ELAPOR1: variants seen among roughly 807,000 people sequenced by gnomAD.
ELAPOR1 encodes endosome/lysosome-associated apoptosis and autophagy regulator 1.
A neutral mutation model predicts 119.7 loss-of-function variants in ELAPOR1; 77 were observed. The observed-to-expected ratio is 0.64, with a 90% confidence interval of 0.54 to 0.78. The LOEUF (loss-of-function observed/expected upper bound fraction) is 0.78. Among genes scored for constraint, ELAPOR1 ranks in the 30% least tolerant of loss-of-function variants. The probability of loss-of-function intolerance (pLI) is 0.00; values close to 1 mark genes in which losing one functional copy is unlikely to be tolerated. For missense variants in ELAPOR1, 1,115 were observed against 1,270.4 expected (o/e 0.88, Z 1.86); for synonymous variants, 481 against 487.2 (o/e 0.99, Z 0.17).
rs958973511 is a variant in ELAPOR1 at position 109,146,027 on chromosome 1, C to T, written c.154-15867C>T. On this transcript the variant is annotated intron_variant, in intron 1 of 21. Transcript: ENST00000369939. ...TTCAGAATTAATAAATGATAAGAAT[C>T]TCAGGCCAGCACAGTGGCTCACATC... is the stretch of plus-strand genomic sequence containing the variant. Among the ~76,000 whole-genome samples the T allele has an allele frequency of 3.3e-5, 5 of 152,090 alleles. No homozygotes were observed. The East Asian group carries it at 7.7e-4, about 24-fold the overall frequency.
At chr1:109,138,126 T>TTA (rs1164525796) in intron 1 of ELAPOR1, among the ~76,000 whole-genome samples, 3 of 152,024 alleles carry the variant, frequency 2.0e-5, no homozygotes, top group African/African-American at 7.2e-5. Context: ...TGGCCCCAGG[T>TTA]TACAGCTGAA....
chr1:109,136,321 G>A (rs967419933), intron 1 of ELAPOR1, among the ~76,000 whole-genome samples: 2 of 152,196 alleles, frequency 1.3e-5, no homozygotes, highest in African/African-American at 4.8e-5. Context: ...CAGGGAAAAT[G>A]CTGTGTGAGA....
At chr1:109,158,064 G>T (rs34941779) in intron 1 of ELAPOR1, among the ~76,000 whole-genome samples, 62,246 of 151,890 alleles carry the variant, frequency 0.41, 12,905 homozygotes, top group East Asian at 0.56. Context: ...ATTTTTGTAT[G>T]TTTAGTAGAG....
intron 1 of ELAPOR1, among the ~76,000 whole-genome samples, chr1:109,138,292 T>C (rs1201726097): frequency 6.6e-6 from 1 of 152,210 alleles, no homozygotes; most frequent in Non-Finnish European, 1.5e-5. Flanking sequence ...CACTTGGTGA[T>C]GGCTGAGGGT....
At chr1:109,201,492 A>G in intron 21 of ELAPOR1, 1 of 398,242 alleles carries the variant, frequency 2.5e-6, no homozygotes, top group South Asian at 1.8e-5. Context: ...GCATACAAGC[A>G]GGTCCTCCAG....
intron 1 of ELAPOR1, among the ~76,000 whole-genome samples, chr1:109,132,452 G>C (rs1440262380): frequency 2.0e-5 from 3 of 152,080 alleles, no homozygotes; most frequent in Non-Finnish European, 4.4e-5. Context: ...AGCCTGCCAG[G>C]CATTATTTAT....
At chr1:109,202,447 T>G (rs1204108234) in intron 21 of ELAPOR1, among the ~76,000 whole-genome samples, 1 of 147,526 alleles carries the variant, frequency 6.8e-6, no homozygotes, top group African/African-American at 2.5e-5. Context: ...AGAAAAAAAT[T>G]TTTTTTTTTT....
At chr1:109,178,800 A>G (rs1484466458) in intron 7 of ELAPOR1, among the ~76,000 whole-genome samples, 1 of 152,008 alleles carries the variant, frequency 6.6e-6, no homozygotes, top group Non-Finnish European at 1.5e-5. Flanking sequence ...CCCCAACTCT[A>G]CTAGAAATAC....
chr1:109,165,715 T>C (rs1179175741), intron 3 of ELAPOR1, among the ~76,000 whole-genome samples: 1 of 151,550 alleles, frequency 6.6e-6, no homozygotes, highest in Non-Finnish European at 1.5e-5. Context: ...TTGGGTATCT[T>C]CCCGGCTTGG....
intron 1 of ELAPOR1, among the ~76,000 whole-genome samples, chr1:109,148,359 G>C (rs1650319137): frequency 6.6e-6 from 1 of 150,622 alleles, no homozygotes; most frequent in African/African-American, 2.5e-5. Context: ...GGCTGGTCTT[G>C]AACTCCTGAC....
At chr1:109,171,493 G>A (rs575949852) in intron 3 of ELAPOR1, among the ~76,000 whole-genome samples, 6 of 152,060 alleles carry the variant, frequency 3.9e-5, no homozygotes, top group African/African-American at 1.4e-4. Context: ...CAGAGGTTGT[G>A]GTGAGCCGAG....
chr1:109,116,329 C>G (rs541398853), intron 1 of ELAPOR1, among the ~76,000 whole-genome samples: 2 of 152,156 alleles, frequency 1.3e-5, no homozygotes, highest in Non-Finnish European at 2.9e-5. Flanking sequence ...TAACACCTAC[C>G]TCAGAAAGGA....
At chr1:109,174,214 T>C (rs774497611) in intron 7 of ELAPOR1, among the ~76,000 whole-genome samples, 1 of 150,804 alleles carries the variant, frequency 6.6e-6, no homozygotes, top group Non-Finnish European at 1.5e-5. Context: ...ACAGGGGTCT[T>C]GCTAGTTGCC....
intron 7 of ELAPOR1, among the ~76,000 whole-genome samples, chr1:109,182,663 C>T (rs546373355): frequency 1.4e-4 from 21 of 151,934 alleles, no homozygotes; most frequent in African/African-American, 4.3e-4. Context: ...GTCAGCAGAT[C>T]GAGACCATCC....
chr1:109,184,754 G>A (rs1652942895), intron 7 of ELAPOR1, among the ~76,000 whole-genome samples: 1 of 152,200 alleles, frequency 6.6e-6, no homozygotes, highest in African/African-American at 2.4e-5. Flanking sequence ...CTGGTCCTTT[G>A]GCCAGGCCAC....
intron 3 of ELAPOR1, among the ~76,000 whole-genome samples, 173 bp from the exon 4 acceptor site, chr1:109,171,693 A>C (rs1384012512): frequency 6.6e-6 from 1 of 152,126 alleles, no homozygotes; most frequent in African/African-American, 2.4e-5. Context: ...TCCTTGACCT[A>C]CCTGAGAGCT....
intron 11 of ELAPOR1, 26 bp from the exon 12 acceptor site, chr1:109,191,340 C>A (rs1189432725): frequency 1.9e-6 from 3 of 1,558,814 alleles, no homozygotes; most frequent in South Asian, 1.1e-5. Context: ...GCCTTTAGAA[C>A]TGACTTTTAA....
rs772302702 is a variant in ELAPOR1 at position 109,171,950 on chromosome 1, G to A, written c.552G>A (p.Lys184=). Residue 184 remains lysine, a synonymous_variant, in exon 4 of 22, where the codon AAG becomes AAA. Transcript: ENST00000369939. ...CACTGATGTACGCCGTCAACCTGAA[G>A]CAATCTGGCACCGTTAACTTCGAAT... ...TATLMYAVNL[K]QSGTVNFEYY... 1 of 1,614,196 alleles carries A rather than the reference G, an allele frequency of 6.2e-7. No individual in the cohort carries two copies. Among genetic ancestry groups the A allele is most frequent in the South Asian group, 1.1e-5 (1 of 91,088 alleles).
intron 7 of ELAPOR1, among the ~76,000 whole-genome samples, chr1:109,181,972 C>G (rs931604837): frequency 1.3e-5 from 2 of 152,110 alleles, no homozygotes. Context: ...GAAATAAGCC[C>G]TTAACTGAAA....
Sources: allele counts gnomAD v4.1 joint callset (sites outside exome capture counted in the v4.1 genomes callset), GRCh38; gene constraint gnomAD v4.1.1; transcripts MANE v1.5; gene names NCBI Gene and HGNC (gene_info 2026-07-23, HGNC 2026-07-21).